PCDHA4: variants seen among roughly 807,000 people sequenced by gnomAD.
The protein encoded by PCDHA4 is protocadherin alpha 4.
In PCDHA4, 49 loss-of-function variants were observed where a neutral mutation model predicts 61.4. The ratio of observed to expected loss-of-function variants is 0.80; its 90% CI spans 0.63 to 1.01. The LOEUF is 1.01. Among genes scored for constraint, PCDHA4 ranks in the 50% least tolerant of loss-of-function variants. The probability of loss-of-function intolerance (pLI) is 0.00; values close to 1 mark genes in which losing one functional copy is unlikely to be tolerated. For missense variants in PCDHA4, 1,254 were observed against 1,235.8 expected (o/e 1.01, Z -0.22); for synonymous variants, 590 against 550.3 (o/e 1.07, Z -1.01).
rs143891810 is a variant in PCDHA4 at position 140,808,404 on chromosome 5, C to T, written c.1217C>T (p.Ser406Leu). Residue 406 changes from serine to leucine, a missense_variant, in exon 1 of 4, where the codon TCG becomes TTG. By Grantham distance (145) the Ser-to-Leu change is moderately radical. Transcript: ENST00000530339. ...KLVSTFKNYY[S>L]LVLDSALDRE... ...GTGTCCACCTTCAAGAATTACTACT[C>T]GTTGGTGCTGGACAGTGCCCTGGAC... The T allele has an allele frequency of 4.0e-3, 6,405 of 1,614,158 alleles. 12 individuals are homozygous for T. The highest frequency in any genetic ancestry group is 4.7e-3 in the Non-Finnish European group (5,490 of 1,180,036).
chr5:140,847,431 G>C (rs1781013253), intron 1 of PCDHA4: 1 of 149,628 alleles, frequency 6.7e-6, no homozygotes, highest in South Asian at 2.1e-4. Flanking sequence ...CTTTAGACTT[G>C]AGATACACTA....
At chr5:140,837,849 A>C (rs957584750) in intron 1 of PCDHA4, among the ~76,000 whole-genome samples, 1 of 150,852 alleles carries the variant, frequency 6.6e-6, no homozygotes, top group Non-Finnish European at 1.5e-5. Flanking sequence ...GGCTAATTTT[A>C]TTTTATTTTT....
intron 1 of PCDHA4, chr5:140,829,406 G>A: frequency 1.2e-6 from 2 of 1,614,116 alleles, no homozygotes; most frequent in South Asian, 1.1e-5. Flanking sequence ...GTGGGCCACC[G>A]CCAGCTTGTC....
At chr5:140,857,441 G>A (rs1554150037) in intron 1 of PCDHA4, 3 of 1,598,446 alleles carry the variant, frequency 1.9e-6, no homozygotes, top group African/African-American at 1.3e-5. Context: ...GTTCGTGAAG[G>A]AGAACAACCC....
chr5:140,832,322 A>G (rs187612308), intron 1 of PCDHA4, among the ~76,000 whole-genome samples: 3 of 152,242 alleles, frequency 2.0e-5, no homozygotes, highest in Non-Finnish European at 2.9e-5. Context: ...CTTAAGGGCC[A>G]TTAGAGGACT....
intron 1 of PCDHA4, among the ~76,000 whole-genome samples, chr5:140,819,252 T>C (rs1474909117): frequency 2.0e-5 from 3 of 152,210 alleles, no homozygotes; most frequent in African/African-American, 7.2e-5. Context: ...CAATCTGGTA[T>C]ATCTATATAA....
At chr5:140,876,706 G>C in intron 1 of PCDHA4, 1 of 1,614,214 alleles carries the variant, frequency 6.2e-7, no homozygotes, top group South Asian at 1.1e-5. Context: ...GCTGGACAGC[G>C]CCCTGGACCG....
chr5:140,870,428 T>C, intron 1 of PCDHA4: 3 of 1,614,126 alleles, frequency 1.9e-6, no homozygotes, highest in Non-Finnish European at 2.5e-6. Flanking sequence ...AGGGTATCCG[T>C]GGAGGTGGCC....
At chr5:140,979,035 G>A in intron 2 of PCDHA4, 28 bp downstream of exon 2, 1 of 1,612,986 alleles carries the variant, frequency 6.2e-7, no homozygotes, top group Non-Finnish European at 8.5e-7. Flanking sequence ...CATTCACTCA[G>A]AAGTAACCTT....
rs1274541359 is a variant in PCDHA4 at position 140,852,032 on chromosome 5, G to C, written c.2385+42460G>C. 7.5e-6 allele frequency: 7 copies of C among 936,644 alleles called. No homozygotes were observed. The African/African-American group carries it at 1.1e-4, about 14-fold the overall frequency. 58.0% of individuals were successfully genotyped at this position (936,644 alleles called of 1,614,324 possible). On this transcript the variant is annotated intron_variant, in intron 1 of 3. Transcript: ENST00000530339. ...TATAGTTTTAAAAACTTCGCTTATT[G>C]AGTTTTTGTTATGTGGTTTATATTT... is the stretch of plus-strand genomic sequence containing the variant.
intron 1 of PCDHA4, among the ~76,000 whole-genome samples, chr5:140,827,038 T>C (rs1400929432): frequency 2.6e-5 from 4 of 152,214 alleles, no homozygotes; most frequent in African/African-American, 9.6e-5. Context: ...AAAATTTGAA[T>C]TTGGGGATTA....
intron 1 of PCDHA4, among the ~76,000 whole-genome samples, chr5:140,939,940 C>G (rs1438905083): frequency 6.6e-6 from 1 of 152,140 alleles, no homozygotes; most frequent in Non-Finnish European, 1.5e-5. Context: ...TTATCAGTTA[C>G]TGAGAAAATT....
rs782400993 is a variant in PCDHA4 at position 140,808,430 on chromosome 5, C to G, written c.1243C>G (p.Arg415Gly). Residue 415 changes from arginine to glycine, a missense_variant, in exon 1 of 4, where the codon CGC becomes GGC. Physicochemically the swap from Arg to Gly is moderately radical, Grantham distance 125. Transcript: ENST00000530339. ...YSLVLDSALD[R>G]ESVSAYELVV... ...GTTGGTGCTGGACAGTGCCCTGGACCGCGAGAGCGTGTCAGCCTATGAGCT... is the reference window on the plus strand; with the variant it reads ...GTTGGTGCTGGACAGTGCCCTGGACGGCGAGAGCGTGTCAGCCTATGAGCT... The G allele has an allele frequency of 8.1e-6, 13 of 1,614,128 alleles. No individual in the cohort carries two copies. The highest frequency in any genetic ancestry group is 1.0e-5 in the Non-Finnish European group (12 of 1,180,046).
intron 1 of PCDHA4, among the ~76,000 whole-genome samples, chr5:140,920,232 A>C (rs1463016764): frequency 6.6e-6 from 1 of 152,232 alleles, no homozygotes; most frequent in African/African-American, 2.4e-5. Flanking sequence ...ATAGTATTAT[A>C]TACCCAACAA....
chr5:140,851,092 A>G (rs371116217), intron 1 of PCDHA4: 2 of 1,292,902 alleles, frequency 1.5e-6, no homozygotes, highest in East Asian at 5.4e-5. Context: ...TATTAAATAG[A>G]TATTTTTTGG....
At chr5:140,853,004 G>T (rs914027451) in intron 1 of PCDHA4, 1 of 289,800 alleles carries the variant, frequency 3.5e-6, no homozygotes, top group Non-Finnish European at 5.4e-6. Flanking sequence ...TCAGCCTCCC[G>T]AGTAGCTGGG....
chr5:140,829,877 G>T lies in PCDHA4; in HGVS notation c.2385+20305G>T, dbSNP rs2150176821. The T allele has an allele frequency of 1.5e-5, 25 of 1,613,956 alleles. No individual in the cohort carries two copies. In the South Asian group the frequency reaches 2.5e-4, roughly 16 times the overall value. ...AGGCCAAGTGGTGGCGAAGGTGCGC[G>T]CAGTTGACGCCGACTCAGGCTACAA... On this transcript the variant is annotated intron_variant, in intron 1 of 3. Transcript: ENST00000530339.
chr5:140,877,172 C>T, intron 1 of PCDHA4: 2 of 1,613,816 alleles, frequency 1.2e-6, no homozygotes, highest in Non-Finnish European at 1.7e-6. Flanking sequence ...GCACTGCTGG[C>T]GACTCCGGCT....
intron 1 of PCDHA4, among the ~76,000 whole-genome samples, chr5:140,873,728 T>A (rs1208346643): frequency 6.6e-6 from 1 of 152,190 alleles, no homozygotes; most frequent in African/African-American, 2.4e-5. Flanking sequence ...TGGCGCAATC[T>A]CAGCTCACTG....
Sources: gnomAD v4.1 joint callset for allele counts (sites outside exome capture counted in the v4.1 genomes callset) on GRCh38, gnomAD v4.1.1 for gene constraint, MANE v1.5 for transcripts, NCBI Gene and HGNC (gene_info 2026-07-23, HGNC 2026-07-21) for gene names.